The following PTPRD variants were observed in gnomAD, a reference collection of about 807,000 sequenced individuals.
PTPRD encodes the protein receptor-type tyrosine-protein phosphatase delta.
In PTPRD, 34 loss-of-function variants were observed where a neutral mutation model predicts 214.5. The observed-to-expected ratio is 0.16, with a 90% CI of 0.12 to 0.21. The LOEUF (loss-of-function observed/expected upper bound fraction) is 0.21, where lower values mean the gene tolerates loss of function less well. PTPRD is among the 10% of genes least tolerant of loss of function. The pLI, the probability that PTPRD is intolerant of heterozygous loss-of-function variation, is 1.00. For missense variants in PTPRD, 2,545 were observed against 2,398.7 expected (o/e 1.06, Z -1.27); for synonymous variants, 1,128 against 845.7 (o/e 1.33, Z -5.79).
chr9:10,065,347 T>C (rs889003965), intron 3 of PTPRD, among the ~76,000 whole-genome samples: 2 of 151,936 alleles, frequency 1.3e-5, no homozygotes, highest in African/African-American at 4.8e-5. Context: ...ACCAGCCCCA[T>C]AAAAGTCAAA....
At chr9:8,948,469 A>ATATATATATTTATATATATATT (rs2099081602) in intron 11 of PTPRD, among the ~76,000 whole-genome samples, 1 of 7,044 alleles carries the variant, frequency 1.4e-4, no homozygotes, top group African/African-American at 3.8e-4. Flanking sequence ...ATATATTTAC[A>ATATATATATTTATATATATATT]TATATATATA....
chr9:8,850,929 A>T (rs1349527748), intron 11 of PTPRD, among the ~76,000 whole-genome samples: 1 of 152,210 alleles, frequency 6.6e-6, no homozygotes, highest in Non-Finnish European at 1.5e-5. Flanking sequence ...AAACATTGAA[A>T]ACATATGTCT....
intron 7 of PTPRD, among the ~76,000 whole-genome samples, chr9:9,575,511 G>C (rs1301694124): frequency 6.6e-6 from 1 of 151,606 alleles, no homozygotes; most frequent in Admixed American, 6.6e-5. Context: ...ACAAGGTCAG[G>C]AGTTCAAGAC....
At chr9:10,486,791 A>C (rs953477176) in intron 2 of PTPRD, among the ~76,000 whole-genome samples, 3 of 152,170 alleles carry the variant, frequency 2.0e-5, no homozygotes, top group Non-Finnish European at 2.9e-5. Flanking sequence ...CCATTGGTTA[A>C]AATGATCTGT....
intron 11 of PTPRD, among the ~76,000 whole-genome samples, chr9:8,992,431 C>G (rs939941783): frequency 1.3e-5 from 2 of 152,158 alleles, no homozygotes; most frequent in Non-Finnish European, 2.9e-5. Context: ...GTTTGAAGTA[C>G]TCTAATTGGG....
At chr9:9,083,743 G>T (rs574233266) in intron 10 of PTPRD, among the ~76,000 whole-genome samples, 68 of 152,138 alleles carry the variant, frequency 4.5e-4, no homozygotes, top group African/African-American at 1.6e-3. Flanking sequence ...GTGGGCTAAA[G>T]ATTTGAATAG....
intron 5 of PTPRD, among the ~76,000 whole-genome samples, chr9:9,903,232 T>C (rs994387341): frequency 6.6e-6 from 1 of 152,142 alleles, no homozygotes; most frequent in Non-Finnish European, 1.5e-5. Flanking sequence ...CTTCACTTTA[T>C]ATTTTCTTCC....
chr9:8,436,346 A>G (rs1202984109), intron 35 of PTPRD, among the ~76,000 whole-genome samples: 1 of 150,046 alleles, frequency 6.7e-6, no homozygotes, highest in Non-Finnish European at 1.5e-5. Flanking sequence ...AATAAAAATA[A>G]AAAACAGAAA....
chr9:9,457,269 C>A (rs762914244), intron 8 of PTPRD, among the ~76,000 whole-genome samples: 6 of 151,982 alleles, frequency 3.9e-5, no homozygotes, highest in Non-Finnish European at 8.8e-5. Flanking sequence ...AAATAAACCC[C>A]AAAAAACCCT....
intron 39 of PTPRD, among the ~76,000 whole-genome samples, chr9:8,374,116 G>C (rs1385385445): frequency 2.8e-5 from 1 of 35,982 alleles, no homozygotes; most frequent in Non-Finnish European, 4.2e-5. Context: ...ACACGTGTCT[G>C]TGTGTGTGTG....
At chr9:8,390,424 T>A (rs902386424) in intron 36 of PTPRD, among the ~76,000 whole-genome samples, 1 of 152,040 alleles carries the variant, frequency 6.6e-6, no homozygotes, top group Non-Finnish European at 1.5e-5. Flanking sequence ...CTCCTTCCCA[T>A]CATAAAACAC....
At chr9:10,409,371 C>T (rs1406672669) in intron 2 of PTPRD, among the ~76,000 whole-genome samples, 2 of 151,566 alleles carry the variant, frequency 1.3e-5, no homozygotes, top group Non-Finnish European at 2.9e-5. Context: ...CAGTTCCTTC[C>T]CTCTCCAGTT....
At chr9:10,027,553 GAGA>G (rs2096950918) in intron 4 of PTPRD, among the ~76,000 whole-genome samples, 2 of 152,140 alleles carry the variant, frequency 1.3e-5, no homozygotes, top group Non-Finnish European at 2.9e-5. Context: ...AACAGGATAA[GAGA>G]AGAATATACA....
At chr9:9,419,386 G>T (rs1278285975) in intron 8 of PTPRD, among the ~76,000 whole-genome samples, 1 of 151,594 alleles carries the variant, frequency 6.6e-6, no homozygotes, top group Non-Finnish European at 1.5e-5. Context: ...ATATTTAATA[G>T]AAATACTGTA....
intron 14 of PTPRD, among the ~76,000 whole-genome samples, chr9:8,547,048 G>A (rs1029307857): frequency 6.6e-6 from 1 of 152,126 alleles, no homozygotes; most frequent in African/African-American, 2.4e-5. Flanking sequence ...ATCTTGCTAT[G>A]TGAAACATTC....
At chr9:10,175,264 A>C (rs1345312734) in intron 3 of PTPRD, among the ~76,000 whole-genome samples, 2 of 152,028 alleles carry the variant, frequency 1.3e-5, no homozygotes, top group Admixed American at 6.6e-5. Flanking sequence ...AAAAACTAAT[A>C]TACTACTATT....
chr9:9,988,221 A>G lies in PTPRD; in HGVS notation c.-472+45497T>C, dbSNP rs147766018. Among the ~76,000 whole-genome samples, 153 of 152,308 alleles carry G rather than the reference A, an allele frequency of 1.0e-3. 3 individuals are homozygous for G. In the South Asian group the frequency reaches 0.022, roughly 22 times the overall value. ...TTGAACATCAATATGATAAAGCAAA[A>G]CTTTTCAAAAATATTTTTGCACATA... is the stretch of plus-strand genomic sequence containing the variant. On this transcript the variant is annotated intron_variant, in intron 4 of 45. Transcript: ENST00000381196.
chr9:10,346,157 A>T (rs989345757), intron 2 of PTPRD, among the ~76,000 whole-genome samples: 1 of 152,216 alleles, frequency 6.6e-6, no homozygotes, highest in African/African-American at 2.4e-5. Flanking sequence ...TGCTTAAGTA[A>T]ATGTTTCCAT....
chr9:8,486,588 A>C (rs545564695), intron 27 of PTPRD: 2 of 657,218 alleles, frequency 3.0e-6, no homozygotes, highest in African/African-American at 1.8e-5. Flanking sequence ...ATTATCATTG[A>C]AACAACAGCT....
Sources: gnomAD v4.1 joint callset for allele counts (sites outside exome capture counted in the v4.1 genomes callset) on GRCh38, gnomAD v4.1.1 for gene constraint, MANE v1.5 for transcripts, NCBI Gene and HGNC (gene_info 2026-07-23, HGNC 2026-07-21) for gene names.